PDE12: variants seen among roughly 807,000 people sequenced by gnomAD.
PDE12 encodes 2',5'-phosphodiesterase 12.
PDE12 carries 26 observed loss-of-function variants against 45.4 expected under a neutral mutation model. The observed-to-expected ratio is 0.57, with a 90% CI of 0.42 to 0.79. The LOEUF (loss-of-function observed/expected upper bound fraction) is 0.79, where lower values mean the gene tolerates loss of function less well. PDE12 is among the 30% of genes least tolerant of loss of function. PDE12 has a pLI of 0.00. For synonymous variants in PDE12, 283 were observed against 323.9 expected (o/e 0.87, Z 1.36); for missense variants, 668 against 790.0 (o/e 0.85, Z 1.85).
chr3:57,600,121 G>C, the PDE12 span: 3 of 151,866 alleles, frequency 2.0e-5, no homozygotes, highest in African/African-American at 7.3e-5. Flanking sequence ...CAACCTCCTG[G>C]GATCAAGTGA....
rs1161888667 is a variant in PDE12 at position 57,559,732 on chromosome 3, G to C, written c.1558G>C (p.Asp520His). ...TGGCAGCATTCCAGAGGATCATGAA[G>C]ACTGGGCTTCCAATGGGGAGGAGGA... is the stretch of plus-strand genomic sequence containing the variant. ...INGSIPEDHEDWASNGEEERC... is the reference protein window; with the variant it reads ...INGSIPEDHEHWASNGEEERC... The change falls in exon 3 of 3, where the codon GAC (aspartate) becomes CAC (histidine). Residue 520 changes from aspartate (D) to histidine (H), a missense_variant. Coordinates refer to ENST00000311180, the MANE Select transcript of PDE12 (RefSeq NM_177966.7). The C allele has an allele frequency of 1.2e-6, 2 of 1,614,070 alleles. No homozygotes were observed. The highest frequency in any genetic ancestry group is 1.7e-6 in the Non-Finnish European group (2 of 1,180,032).
At chr3:57,608,646 A>G in the PDE12 span, among the ~76,000 whole-genome samples, 1 of 152,086 alleles carries the variant, frequency 6.6e-6, no homozygotes, top group African/African-American at 2.4e-5. Context: ...AAAGAAGGCC[A>G]TTACATAATG....
chr3:57,634,921 G>A, the PDE12 span: 1 of 554,810 alleles, frequency 1.8e-6, no homozygotes, highest in Non-Finnish European at 2.9e-6. Flanking sequence ...GTTCATTCTT[G>A]GTATTTTAAA....
chr3:57,587,509 TCTA>T, the PDE12 span, among the ~76,000 whole-genome samples: 2 of 151,952 alleles, frequency 1.3e-5, no homozygotes, highest in African/African-American at 2.4e-5. Context: ...TCCTTGCTCC[TCTA>T]CTGATAGGAA....
At chr3:57,617,872 TAAA>T in the PDE12 span, among the ~76,000 whole-genome samples, 1 of 137,848 alleles carries the variant, frequency 7.3e-6, no homozygotes. Context: ...GACTCTGCCT[TAAA>T]AAAAAAAAAC....
the PDE12 span, among the ~76,000 whole-genome samples, chr3:57,588,781 A>G: frequency 1.4e-5 from 2 of 140,748 alleles, no homozygotes; most frequent in African/African-American, 2.7e-5. Context: ...ACATGGCAAA[A>G]CCCTGTCACT....
chr3:57,569,132 A>AT (rs1176190512), downstream of PDE12, among the ~76,000 whole-genome samples: 1 of 152,234 alleles, frequency 6.6e-6, no homozygotes, highest in East Asian at 1.9e-4. Flanking sequence ...TTGAATCTTG[A>AT]TAGCATCAAC....
the PDE12 span, among the ~76,000 whole-genome samples, chr3:57,585,809 C>T: frequency 2.0e-5 from 3 of 151,882 alleles, no homozygotes; most frequent in East Asian, 5.8e-4. Flanking sequence ...ATTACAGGTG[C>T]GTGCCACCAC....
At chr3:57,654,432 T>C in the PDE12 span, among the ~76,000 whole-genome samples, 2 of 152,202 alleles carry the variant, frequency 1.3e-5, no homozygotes, top group Non-Finnish European at 2.9e-5. Flanking sequence ...CTATAACTGT[T>C]GTCTACTCAG....
At chr3:57,601,297 A>G in the PDE12 span, among the ~76,000 whole-genome samples, 15 of 151,992 alleles carry the variant, frequency 9.9e-5, no homozygotes, top group African/African-American at 3.6e-4. Context: ...TTTAGCAGAG[A>G]GGGGGTTTCA....
chr3:57,573,736 C>G, the PDE12 span, among the ~76,000 whole-genome samples: 3 of 152,090 alleles, frequency 2.0e-5, no homozygotes, highest in Non-Finnish European at 2.9e-5. Flanking sequence ...CATGCACCAC[C>G]ACGACCAGCT....
At chr3:57,628,964 G>T in the PDE12 span, 1 of 1,263,108 alleles carries the variant, frequency 7.9e-7, no homozygotes, top group Non-Finnish European at 1.1e-6. Flanking sequence ...TAAGGCTACT[G>T]TGAAGGAAAG....
Position 57,557,039 on chromosome 3 carries a change from A to G in PDE12, c.660A>G (p.Ser220=), listed in dbSNP as rs773273722. The change falls in exon 1 of 3, where the codon TCA becomes TCG. Residue 220 remains serine (S), a synonymous_variant. Coordinates refer to ENST00000311180, the MANE Select transcript of PDE12 (RefSeq NM_177966.7). ...TCCCCTCGTCATTGTCTCCCTCCTC[A>G]CCTTCTTCTTCTTGGACTGAGACTG... The part of the protein sequence containing the change: ...VGVPSSLSPS[S]PSSSWTETDV... The G allele has an allele frequency of 2.5e-6, 4 of 1,613,034 alleles. No individual in the cohort carries two copies. Among genetic ancestry groups the G allele is most frequent in the African/African-American group, 2.7e-5 (2 of 74,498 alleles).
At chr3:57,571,178 G>T (rs908960283), downstream of PDE12, among the ~76,000 whole-genome samples, 1 of 151,972 alleles carries the variant, frequency 6.6e-6, no homozygotes, top group African/African-American at 2.4e-5. Flanking sequence ...AGAAAACTAT[G>T]TTTTTAATAG....
At chr3:57,652,005 C>CT in the PDE12 span, among the ~76,000 whole-genome samples, 3 of 151,954 alleles carry the variant, frequency 2.0e-5, no homozygotes, top group Non-Finnish European at 4.4e-5. Flanking sequence ...TAAGACTGGC[C>CT]TGGGTAACAT....
chr3:57,578,623 G>A, the PDE12 span, among the ~76,000 whole-genome samples: 2 of 152,010 alleles, frequency 1.3e-5, no homozygotes, highest in Non-Finnish European at 2.9e-5. Flanking sequence ...GGGACTACAG[G>A]TGCGTGCCAC....
the PDE12 span, among the ~76,000 whole-genome samples, chr3:57,647,204 A>G: frequency 6.6e-6 from 1 of 152,238 alleles, no homozygotes; most frequent in Non-Finnish European, 1.5e-5. Flanking sequence ...AACAACAATT[A>G]AGTGCAAAAA....
the PDE12 span, among the ~76,000 whole-genome samples, chr3:57,607,147 G>C: frequency 6.6e-6 from 1 of 152,108 alleles, no homozygotes; most frequent in Admixed American, 6.5e-5. Flanking sequence ...GTCTGGAGTG[G>C]ACCTCCAGCA....
chr3:57,641,190 A>T, the PDE12 span, among the ~76,000 whole-genome samples: 1 of 144,690 alleles, frequency 6.9e-6, no homozygotes, highest in Non-Finnish European at 1.5e-5. Context: ...ATATATATTT[A>T]TATATATTTA....
Sources: allele counts gnomAD v4.1 joint callset (sites outside exome capture counted in the v4.1 genomes callset), GRCh38; gene constraint gnomAD v4.1.1; transcripts MANE v1.5; gene names NCBI Gene and HGNC (gene_info 2026-07-23, HGNC 2026-07-21).